Variants in FAM120B observed in about 807,000 individuals in gnomAD.
The protein encoded by FAM120B is constitutive coactivator of peroxisome proliferator-activated receptor gamma.
Under a neutral mutation model 96.3 loss-of-function variants are expected in FAM120B, and 83 were observed. That is an observed-to-expected ratio of 0.86 (90% CI 0.72 to 1.03). The LOEUF (loss-of-function observed/expected upper bound fraction) is 1.03. Ranked by LOEUF, FAM120B falls within the 50% of genes least tolerant of loss-of-function variation. The pLI is 0.00. For missense variants in FAM120B, 1,027 were observed against 1,121.2 expected (o/e 0.92, Z 1.20); for synonymous variants, 407 against 402.7 (o/e 1.01, Z -0.13).
chr6:170,388,587 A>C (rs1439278129), intron 7 of FAM120B, 94 bp downstream of exon 7: 1 of 1,034,002 alleles, frequency 9.7e-7, no homozygotes, highest in Admixed American at 1.9e-5. Context: ...TTTTCAAATT[A>C]ATGCTTTCCA....
intron 4 of FAM120B, among the ~76,000 whole-genome samples, chr6:170,331,916 G>A (rs115774920): frequency 0.013 from 2,011 of 152,318 alleles, 39 homozygotes; most frequent in African/African-American, 0.046. Context: ...TGCCCTACAT[G>A]GAGGGCCACG....
At position 170,404,554 on chromosome 6, in the gene FAM120B, C is replaced by T; in HGVS notation, c.2697C>T (p.Ser899=). The T allele has an allele frequency of 6.2e-7, 1 of 1,613,800 alleles. No homozygotes were observed. Among genetic ancestry groups the T allele is most frequent in the African/African-American group, 1.3e-5 (1 of 75,048 alleles). The change falls in exon 10 of 11, where the codon AGC becomes AGT. Residue 899 remains serine (S), a synonymous_variant. Coordinates refer to ENST00000476287, the MANE Select transcript of FAM120B (RefSeq NM_032448.3). ...TTTCATGTCTGTTTACTGCAGGAAG[C>T]AGACAGTATGAGCATGACCAGTGGA... ...GQPWRDQGPG[S]RQYEHDQWRR... is the part of the protein sequence containing the mutation.
At chr6:170,391,744 A>T (rs1011663714) in intron 8 of FAM120B, among the ~76,000 whole-genome samples, 2 of 152,202 alleles carry the variant, frequency 1.3e-5, no homozygotes, top group African/African-American at 4.8e-5. Flanking sequence ...TTTTCTTATG[A>T]TAAAAGTATA....
At position 170,324,790 on chromosome 6, in the gene FAM120B, TATG is replaced by T. The variant is rs751855439; in HGVS notation, c.1915+1533_1915+1535del. 2.2e-4 allele frequency among the ~76,000 whole-genome samples: 34 copies of T among 152,348 alleles called. 1 individual carries two copies. The East Asian group carries it at 5.6e-3, about 25-fold the overall frequency. ...CTACATGAAGTTTACATTATTAAGA[TATG>T]AAAATAAAATGCTGTTTTTGCTGAT... On this transcript the variant is annotated intron_variant, in intron 3 of 10. Transcript: ENST00000476287.
intron 1 of FAM120B, among the ~76,000 whole-genome samples, chr6:170,314,891 G>A (rs1469578473): frequency 6.6e-6 from 1 of 152,194 alleles, no homozygotes; most frequent in African/African-American, 2.4e-5. Flanking sequence ...AGAGCACATT[G>A]TAATGTCACA....
At chr6:170,351,462 G>A (rs889427590) in intron 5 of FAM120B, among the ~76,000 whole-genome samples, 2 of 152,240 alleles carry the variant, frequency 1.3e-5, no homozygotes, top group East Asian at 3.9e-4. Context: ...GTAAGATAGT[G>A]TATGAGAAGA....
chr6:170,398,221 G>C (rs910355170), intron 9 of FAM120B, among the ~76,000 whole-genome samples: 5 of 152,258 alleles, frequency 3.3e-5, no homozygotes, highest in African/African-American at 4.8e-5. Context: ...GGATAACCTT[G>C]AGTGTCCTTT....
rs1448043830 is a variant in FAM120B at position 170,295,453 on chromosome 6, G to A, written c.48G>A (p.Glu16=). Reference sequence around the variant, plus strand: ...CCAGCGCTGGCGCAGGCAGGAAGGAGGTGAGCGCCGCCCGCGTGCACACAA... The same window carrying A: ...CCAGCGCTGGCGCAGGCAGGAAGGAAGTGAGCGCCGCCCGCGTGCACACAA... The change falls in exon 1 of 11, where the codon GAG becomes GAA. Residue 16 remains glutamate, a splice_region_variant and synonymous_variant. Coordinates refer to the FAM120B transcript ENST00000537664. This position sits in a 1 kb window ranked among gnomAD's most constrained non-coding sequence, Gnocchi z 7.8. 1 of 701,160 alleles carries A rather than the reference G, an allele frequency of 1.4e-6. No homozygotes were observed. The allele number at this position is 701,160 out of a possible 1,614,324, so 43.4% of individuals were successfully genotyped here.
chr6:170,405,012 C>T lies in FAM120B; in HGVS notation c.*261C>T, dbSNP rs1778756952. 5.7e-6 allele frequency: 1 copy of T among 175,666 alleles called. No individual in the cohort carries two copies. Among genetic ancestry groups the T allele is most frequent in the Admixed American group, 6.0e-5 (1 of 16,564 alleles). The allele number at this position is 175,666 out of a possible 1,614,324, so 10.9% of individuals were successfully genotyped here. A position where few individuals can be genotyped will look rare whatever the true frequency, so the allele number is the denominator to read the frequency against. Reference sequence around the variant, plus strand: ...TGTTAACATCTTCATGTGTTTCATTCTGATCTTTCATTCATATATATGATG... The same window carrying T: ...TGTTAACATCTTCATGTGTTTCATTTTGATCTTTCATTCATATATATGATG... On this transcript the variant is annotated 3_prime_UTR_variant, in exon 11 of 11. Transcript: ENST00000476287.
At chr6:170,352,118 G>GA (rs1295268909) in intron 5 of FAM120B, among the ~76,000 whole-genome samples, 1 of 151,968 alleles carries the variant, frequency 6.6e-6, no homozygotes, top group Non-Finnish European at 1.5e-5. Context: ...ATGGAAAACA[G>GA]AAAAAAGCAG....
In FAM120B at chr6:170,361,249, T is replaced by TAC. The variant is rs1562567389; in HGVS notation, c.2283+2932_2283+2933insCA. On this transcript the variant is annotated intron_variant, in intron 6 of 10. Transcript: ENST00000476287. ...ATATATATATATACACGTATATATA[T>TAC]ATATACGTGTATATATATAGTTACA... is the stretch of plus-strand genomic sequence containing the variant. 3.9e-4 allele frequency among the ~76,000 whole-genome samples: 55 copies of TAC among 139,628 alleles called. 2 individuals are homozygous for TAC. In the East Asian group the frequency reaches 6.7e-3, roughly 17 times the overall value. 91.6% of individuals were successfully genotyped at this position (139,628 alleles called of 152,430 possible).
chr6:170,388,382 C>G lies in FAM120B; in HGVS notation c.2379C>G (p.Pro793=), dbSNP rs758995513. The G allele has an allele frequency of 1.9e-6, 3 of 1,614,146 alleles. No homozygotes were observed. Among genetic ancestry groups the G allele is most frequent in the Admixed American group, 1.7e-5 (1 of 60,008 alleles). Residue 793 remains proline, a synonymous_variant, in exon 7 of 11, where the codon CCC becomes CCG. Coordinates refer to ENST00000476287, the MANE Select transcript of FAM120B (RefSeq NM_032448.3). ...TAGTCAACAGCGCATGTGGCTTCCC[C>G]TGGAAGACGAGTGATTTCATGCCCT... The part of the protein sequence containing the change: ...LVLVNSACGF[P]WKTSDFMPWN...
At chr6:170,400,763 C>T (rs1448235380) in intron 9 of FAM120B, among the ~76,000 whole-genome samples, 1 of 152,156 alleles carries the variant, frequency 6.6e-6, no homozygotes, top group Non-Finnish European at 1.5e-5. Flanking sequence ...AAGCAATGTC[C>T]GTCCTACCTC....
chr6:170,308,602 C>G (rs1288443087), intron 1 of FAM120B, among the ~76,000 whole-genome samples: 1 of 152,136 alleles, frequency 6.6e-6, no homozygotes, highest in Non-Finnish European at 1.5e-5. Context: ...TGCATGGGCC[C>G]TTACCTAGGC....
At chr6:170,400,055 G>T (rs980184690) in intron 9 of FAM120B, among the ~76,000 whole-genome samples, 2 of 149,450 alleles carry the variant, frequency 1.3e-5, no homozygotes, top group South Asian at 2.1e-4. Flanking sequence ...TAACTCTTAG[G>T]AGTGAGTGGG....
intron 5 of FAM120B, among the ~76,000 whole-genome samples, chr6:170,350,903 C>T (rs1463082751): frequency 1.3e-5 from 2 of 152,220 alleles, no homozygotes; most frequent in East Asian, 1.9e-4. Context: ...GACTGCAACA[C>T]CTCTCCAGCA....
intron 6 of FAM120B, among the ~76,000 whole-genome samples, chr6:170,371,159 C>T (rs567070756): frequency 1.4e-4 from 22 of 152,172 alleles, no homozygotes; most frequent in African/African-American, 5.3e-4. Context: ...CAGCCCCACA[C>T]TCCTCAGCCC....
rs1491584119 is a variant in FAM120B, at chr6:170,361,239, C to CGT, written c.2283+2922_2283+2923dup. 1.2e-3 allele frequency among the ~76,000 whole-genome samples: 69 copies of CGT among 58,754 alleles called. 1 individual carries two copies. The highest frequency in any genetic ancestry group is 4.1e-3 in the African/African-American group (65 of 15,710). 38.5% of individuals were successfully genotyped at this position (58,754 alleles called of 152,430 possible). A position where few individuals can be genotyped will look rare whatever the true frequency, so the allele number is the denominator to read the frequency against. On this transcript the variant is annotated intron_variant, in intron 6 of 10. Transcript: ENST00000476287. The stretch of plus-strand genomic sequence containing the variant: ...ATATATATATATATATATATATACA[C>CGT]GTATATATATATATACGTGTATATA...
intron 7 of FAM120B, 132 bp downstream of exon 7, chr6:170,388,625 A>G: frequency 1.3e-6 from 1 of 746,098 alleles, no homozygotes; most frequent in Non-Finnish European, 2.2e-6. Flanking sequence ...AACCAGGAAC[A>G]CATGATTTGA....
Sources: allele counts gnomAD v4.1 joint callset (sites outside exome capture counted in the v4.1 genomes callset), GRCh38; gene constraint gnomAD v4.1.1; non-coding constraint Gnocchi (gnomAD v3.1); transcripts MANE v1.5; gene names NCBI Gene and HGNC (gene_info 2026-07-23, HGNC 2026-07-21).